TET2: variants seen among roughly 807,000 people sequenced by gnomAD.
TET2 encodes the protein methylcytosine dioxygenase TET2.
A neutral mutation model predicts 142.9 loss-of-function variants in TET2; 299 were observed. The ratio of observed to expected loss-of-function variants is 2.09; its 90% CI spans 1.90 to 2.30. The LOEUF (loss-of-function observed/expected upper bound fraction) is 2.30. TET2 is among the 30% of genes most tolerant of loss of function. TET2 has a pLI of 0.00. For synonymous variants in TET2, 819 were observed against 849.0 expected (o/e 0.96, Z 0.61); for missense variants, 2,418 against 2,378.0 (o/e 1.02, Z -0.35).
At position 105,150,171 on chromosome 4, in the gene TET2, A is replaced by T. The variant is rs993059422; in HGVS notation, c.-193+3192A>T. 2.0e-5 allele frequency among the ~76,000 whole-genome samples: 3 copies of T among 152,342 alleles called. No individual in the cohort carries two copies. In the East Asian group the frequency reaches 5.8e-4, roughly 29 times the overall value. ...CATCCTGCCCAAAGTCTGAGTAGGT[A>T]AATTCTTATGAATTCTTATGAAATT... On this transcript the variant is annotated intron_variant, in intron 1 of 10. Transcript: ENST00000380013.
chr4:105,198,068 A>T (rs1726193903), intron 2 of TET2, among the ~76,000 whole-genome samples: 1 of 152,120 alleles, frequency 6.6e-6, no homozygotes, highest in Admixed American at 6.6e-5. Flanking sequence ...CAGGTGAGGT[A>T]GCTCACTCCT....
At position 105,243,722 on chromosome 4, in the gene TET2, C is replaced by G. The variant is rs781551996; in HGVS notation, c.3747C>G (p.Thr1249=). ...SLADKLYSEL[T]ETLRKYGTLT... ...CTGACAAACTCTACTCGGAGCTTACCGAGACGCTGAGGAAATACGGCACGC... is the reference window on the plus strand; with the variant it reads ...CTGACAAACTCTACTCGGAGCTTACGGAGACGCTGAGGAAATACGGCACGC... The change falls in exon 6 of 11, where the codon ACC becomes ACG. Residue 1249 remains threonine (T), a synonymous_variant. Transcript: ENST00000380013. 7.7e-6 allele frequency: 12 copies of G among 1,551,326 alleles called. No individual in the cohort carries two copies. The Admixed American group carries it at 1.4e-4, about 18-fold the overall frequency.
At chr4:105,146,062 G>C (rs562694138), upstream of TET2, 1 of 152,602 alleles carries the variant, frequency 6.6e-6, no homozygotes, top group African/African-American at 2.4e-5. Flanking sequence ...GATCTAAAGG[G>C]AGATAGAGAC....
chr4:105,163,845 G>GAT, intron 1 of TET2, among the ~76,000 whole-genome samples: 1 of 139,274 alleles, frequency 7.2e-6, no homozygotes, highest in African/African-American at 2.7e-5. Context: ...GAGAGAGAGA[G>GAT]AGAGAGAGAG....
rs61328453 is a variant in TET2 at position 105,278,171 on chromosome 4, CATATATATATATATATATATAT to C, written c.*1663_*1684del. 1 of 113,940 alleles carries C rather than the reference CATATATATATATATATATATAT, an allele frequency of 8.8e-6. No individual in the cohort carries two copies. Among genetic ancestry groups the C allele is most frequent in the Non-Finnish European group, 1.7e-5 (1 of 59,352 alleles). The allele number at this position is 113,940 out of a possible 1,614,324, so 7.1% of individuals were successfully genotyped here. A position where few individuals can be genotyped will look rare whatever the true frequency, so the allele number is the denominator to read the frequency against. ...GTACTGTAAAAAAATTAAATATATA[CATATATATATATATATATATAT>C]ATATATATATGAGTTTGAAGCAGAA... On this transcript the variant is annotated 3_prime_UTR_variant, in exon 11 of 11. Coordinates refer to ENST00000380013, the MANE Select transcript of TET2 (RefSeq NM_001127208.3).
chr4:105,157,134 T>C (rs1723608608), intron 1 of TET2, among the ~76,000 whole-genome samples: 1 of 152,134 alleles, frequency 6.6e-6, no homozygotes, highest in Non-Finnish European at 1.5e-5. Flanking sequence ...ACAAATACAG[T>C]GTCTGATAGT....
chr4:105,154,158 T>C (rs180918612), intron 1 of TET2, among the ~76,000 whole-genome samples: 2 of 152,304 alleles, frequency 1.3e-5, no homozygotes, highest in East Asian at 3.9e-4. Context: ...TCCTAATAAG[T>C]ATGAGATTTC....
At position 105,235,233 on chromosome 4, in the gene TET2, T is replaced by G. The variant is rs1312854427; in HGVS notation, c.1291T>G (p.Leu431Val). ...AAAAAGCACTCTGAATGGTGGAGTT[T>G]TAGAAGAACACCACCACTACCCCAA... is the stretch of plus-strand genomic sequence containing the variant. ...EGKSTLNGGV[L>V]EEHHHYPNQS... Residue 431 changes from leucine (L) to valine (V), a missense_variant, in exon 3 of 11, where the codon TTA becomes GTA. Transcript: ENST00000380013. 2 of 1,614,058 alleles carry G rather than the reference T, an allele frequency of 1.2e-6. No homozygotes were observed. The highest frequency in any genetic ancestry group is 1.7e-6 in the Non-Finnish European group (2 of 1,179,970).
intron 4 of TET2, chr4:105,242,538 C>G: frequency 2.6e-6 from 3 of 1,155,638 alleles, no homozygotes; most frequent in Non-Finnish European, 3.2e-6. Context: ...GCAAACTAAC[C>G]TGAATTTTGT....
Position 105,275,171 on chromosome 4 carries a change from C to T in TET2, c.4661C>T (p.Thr1554Ile). ...PQQQQPHHPQ[T>I]ESVNSYSASG... ...CAGCAGCAGCCACATCACCCTCAGACAGAGTCTGTCAACTCTTATTCTGCT... is the reference window on the plus strand; with the variant it reads ...CAGCAGCAGCCACATCACCCTCAGATAGAGTCTGTCAACTCTTATTCTGCT... The change falls in exon 11 of 11, where the codon ACA becomes ATA. Residue 1554 changes from threonine (T) to isoleucine (I), a missense_variant. Coordinates refer to ENST00000380013, the MANE Select transcript of TET2 (RefSeq NM_001127208.3). The T allele has an allele frequency of 6.4e-7, 1 of 1,552,244 alleles. No homozygotes were observed. Among genetic ancestry groups the T allele is most frequent in the South Asian group, 1.2e-5 (1 of 84,058 alleles).
intron 2 of TET2, among the ~76,000 whole-genome samples, chr4:105,193,248 A>G (rs1725891242): frequency 6.6e-6 from 1 of 152,068 alleles, no homozygotes; most frequent in African/African-American, 2.4e-5. Flanking sequence ...CATGAAATGG[A>G]GTGAAATAAG....
chr4:105,243,796 C>T lies in TET2; in HGVS notation c.3803+18C>T, dbSNP rs890962513. ...AATGAAGAGTAAGTGAAGCCCAGGG[C>T]CTCTCCCCTCTTTGCGGCCACTGAT... On this transcript the variant is annotated intron_variant, in intron 6 of 10. Coordinates refer to ENST00000380013, the MANE Select transcript of TET2 (RefSeq NM_001127208.3). 1 of 1,546,838 alleles carries T rather than the reference C, an allele frequency of 6.5e-7. No individual in the cohort carries two copies. Among genetic ancestry groups the T allele is most frequent in the Non-Finnish European group, 8.7e-7 (1 of 1,142,872 alleles).
At chr4:105,240,602 GTTA>G (rs1729240654) in intron 3 of TET2, 1 of 1,079,734 alleles carries the variant, frequency 9.3e-7, no homozygotes, top group South Asian at 4.5e-5. Flanking sequence ...TTTGCGTGTG[GTTA>G]TTAAGTTGCC....
At chr4:105,212,504 C>G (rs986977265) in intron 2 of TET2, among the ~76,000 whole-genome samples, 4 of 152,062 alleles carry the variant, frequency 2.6e-5, no homozygotes, top group Non-Finnish European at 4.4e-5. Flanking sequence ...GGTATACACA[C>G]ATATATACAT....
At chr4:105,153,753 T>A (rs139298722) in intron 1 of TET2, among the ~76,000 whole-genome samples, 1 of 152,356 alleles carries the variant, frequency 6.6e-6, no homozygotes, top group East Asian at 1.9e-4. Flanking sequence ...TTATACTTCA[T>A]CATTATCATT....
intron 1 of TET2, among the ~76,000 whole-genome samples, chr4:105,184,300 A>G (rs1042694819): frequency 6.6e-6 from 1 of 152,214 alleles, no homozygotes; most frequent in African/African-American, 2.4e-5. Context: ...TGCCTTGTGA[A>G]TTTATACCTG....
At chr4:105,183,862 C>G (rs1725266866) in intron 1 of TET2, among the ~76,000 whole-genome samples, 1 of 152,102 alleles carries the variant, frequency 6.6e-6, no homozygotes, top group African/African-American at 2.4e-5. Flanking sequence ...CTTTCTTTGC[C>G]CCTTTCTTCC....
rs567349908 is a variant in TET2 at position 105,195,207 on chromosome 4, C to T, written c.-47+4702C>T. 5.3e-5 allele frequency among the ~76,000 whole-genome samples: 8 copies of T among 152,278 alleles called. No homozygotes were observed. The South Asian group carries it at 1.7e-3, about 32-fold the overall frequency. On this transcript the variant is annotated intron_variant, in intron 2 of 10. Transcript: ENST00000380013. ...TCAAAAGGTGAAATATCAGCTGCCT[C>T]TGTTGATCTCAGGATCTTTTAAGTA...
chr4:105,234,275 A>G lies in TET2; in HGVS notation c.333A>G (p.Lys111=). 2 of 1,614,096 alleles carry G rather than the reference A, an allele frequency of 1.2e-6. No individual in the cohort carries two copies. The highest frequency in any genetic ancestry group is 1.7e-6 in the Non-Finnish European group (2 of 1,179,996). The change falls in exon 3 of 11, where the codon AAA becomes AAG. Residue 111 remains lysine, a synonymous_variant. Coordinates refer to ENST00000380013, the MANE Select transcript of TET2 (RefSeq NM_001127208.3). ...PSLSGLLQIK[K]LKQDQKANGE... The stretch of plus-strand genomic sequence containing the variant: ...TCTCTGGGCTCCTTCAGATCAAGAA[A>G]TTGAAACAAGACCAAAAGGCTAATG...
Sources: gnomAD v4.1 joint callset for allele counts (sites outside exome capture counted in the v4.1 genomes callset) on GRCh38, gnomAD v4.1.1 for gene constraint, MANE v1.5 for transcripts, NCBI Gene and HGNC (gene_info 2026-07-23, HGNC 2026-07-21) for gene names.